The following KCNJ3 variants were observed in gnomAD, a reference collection of about 807,000 sequenced individuals.
KCNJ3 encodes the protein potassium inwardly rectifying channel subfamily J member 3.
A neutral mutation model predicts 39.2 loss-of-function variants in KCNJ3; 4 were observed. The observed-to-expected ratio is 0.10, with a 90% CI of 0.05 to 0.23. The LOEUF (loss-of-function observed/expected upper bound fraction) is 0.23. Ranked by LOEUF, KCNJ3 falls within the 10% of genes least tolerant of loss-of-function variation. The pLI, the probability that KCNJ3 is intolerant of heterozygous loss-of-function variation, is 1.00. For missense variants in KCNJ3, 276 were observed against 634.9 expected (o/e 0.43, Z 6.08); for synonymous variants, 230 against 237.4 (o/e 0.97, Z 0.29).
intron 2 of KCNJ3, among the ~76,000 whole-genome samples, chr2:154,766,166 G>A (rs904523622): frequency 1.3e-5 from 2 of 152,270 alleles, no homozygotes; most frequent in Non-Finnish European, 2.9e-5. Flanking sequence ...GCAAAAGGAC[G>A]TAATGAGCAA....
chr2:154,795,865 T>C (rs1686711498), intron 2 of KCNJ3, among the ~76,000 whole-genome samples: 1 of 152,122 alleles, frequency 6.6e-6, no homozygotes, highest in Non-Finnish European at 1.5e-5. Context: ...TAATTGAATT[T>C]CTACTTGGGA....
intron 2 of KCNJ3, among the ~76,000 whole-genome samples, chr2:154,848,295 T>C (rs1170076638): frequency 6.6e-6 from 1 of 152,168 alleles, no homozygotes; most frequent in African/African-American, 2.4e-5. Context: ...TCAAGCTCTA[T>C]CATTCTCCTG....
chr2:154,727,608 AAAG>A (rs1346350795), intron 2 of KCNJ3, among the ~76,000 whole-genome samples: 1 of 151,186 alleles, frequency 6.6e-6, no homozygotes, highest in Non-Finnish European at 1.5e-5. Context: ...AAAAAAAAAA[AAAG>A]AGAGAAAAAG....
chr2:154,771,742 G>A (rs952603623), intron 2 of KCNJ3, among the ~76,000 whole-genome samples: 28 of 152,150 alleles, frequency 1.8e-4, no homozygotes, highest in Non-Finnish European at 3.4e-4. Flanking sequence ...TGTTCAAGAG[G>A]CAAATACACT....
At position 154,699,641 on chromosome 2, in the gene KCNJ3, G is replaced by A; in HGVS notation, c.702+164G>A. The stretch of plus-strand genomic sequence containing the variant: ...GGTTGGAGGACTGGGCAAAGAATGC[G>A]GTTGACAGTTCTGTTCCTTTTCCAC... On this transcript the variant is annotated intron_variant, in intron 1 of 2. Transcript: ENST00000295101. The surrounding 1 kb of genome is among the most constrained non-coding windows in gnomAD (Gnocchi z 6.4). 3.7e-6 allele frequency: 2 copies of A among 546,772 alleles called. No homozygotes were observed. The highest frequency in any genetic ancestry group is 4.7e-6 in the Non-Finnish European group (2 of 429,028). 33.9% of individuals were successfully genotyped at this position (546,772 alleles called of 1,614,324 possible).
intron 2 of KCNJ3, among the ~76,000 whole-genome samples, chr2:154,741,436 AT>A (rs57454604): frequency 0.61 from 91,738 of 150,204 alleles, 28,993 homozygotes; most frequent in African/African-American, 0.79. Flanking sequence ...ATTTTGATGA[AT>A]TTTTTTTTTT....
chr2:154,829,851 T>C (rs555998110), intron 2 of KCNJ3, among the ~76,000 whole-genome samples: 5 of 152,304 alleles, frequency 3.3e-5, no homozygotes, highest in African/African-American at 9.6e-5. Flanking sequence ...TGGTATCTTA[T>C]TGTGGTTTTG....
rs184677249 is a variant in KCNJ3, at chr2:154,782,930, A to G, written c.920-71797A>G. The stretch of plus-strand genomic sequence containing the variant: ...GGTGCCTCACACCTGTAGTCCCAGT[A>G]CTTTGGGAGGCCAAGGCAGGCAGAT... On this transcript the variant is annotated intron_variant, in intron 2 of 2. Coordinates refer to ENST00000295101, the MANE Select transcript of KCNJ3 (RefSeq NM_002239.4). 7.9e-4 allele frequency among the ~76,000 whole-genome samples: 121 copies of G among 152,264 alleles called. 1 individual carries two copies. The highest frequency in any genetic ancestry group is 2.8e-3 in the African/African-American group (117 of 41,554).
intron 2 of KCNJ3, among the ~76,000 whole-genome samples, chr2:154,776,925 T>G (rs1255687007): frequency 1.3e-5 from 2 of 152,066 alleles, no homozygotes; most frequent in East Asian, 1.9e-4. Context: ...TATGTTCTAG[T>G]GTTCTATTTT....
At chr2:154,767,106 G>T (rs1212348210) in intron 2 of KCNJ3, among the ~76,000 whole-genome samples, 1 of 151,936 alleles carries the variant, frequency 6.6e-6, no homozygotes, top group Non-Finnish European at 1.5e-5. Flanking sequence ...TGTACCACAG[G>T]TTTCAAAAAT....
chr2:154,753,555 G>C (rs1685885001), intron 2 of KCNJ3, among the ~76,000 whole-genome samples: 2 of 151,984 alleles, frequency 1.3e-5, no homozygotes, highest in Admixed American at 1.3e-4. Context: ...TGTGTTTTAT[G>C]TTACGATTTC....
chr2:154,751,891 G>C (rs970580560), intron 2 of KCNJ3, among the ~76,000 whole-genome samples: 2 of 151,894 alleles, frequency 1.3e-5, no homozygotes, highest in Admixed American at 6.6e-5. Flanking sequence ...AAAGACAACA[G>C]TCATATTGGA....
At chr2:154,817,463 T>C (rs1475937900) in intron 2 of KCNJ3, among the ~76,000 whole-genome samples, 1 of 152,120 alleles carries the variant, frequency 6.6e-6, no homozygotes, top group Admixed American at 6.6e-5. Flanking sequence ...GCACAATCAC[T>C]GCTGTTCACC....
At chr2:154,725,723 G>A (rs3106679) in intron 2 of KCNJ3, among the ~76,000 whole-genome samples, 6,359 of 152,122 alleles carry the variant, frequency 0.042, 288 homozygotes, top group East Asian at 0.11. Context: ...GGTTACAGTT[G>A]CCAAAACAGC....
chr2:154,843,608 C>G (rs1443798318), intron 2 of KCNJ3, among the ~76,000 whole-genome samples: 1 of 151,540 alleles, frequency 6.6e-6, no homozygotes, highest in Non-Finnish European at 1.5e-5. Flanking sequence ...TCACATAATC[C>G]CATATTTCTT....
intron 2 of KCNJ3, among the ~76,000 whole-genome samples, chr2:154,785,927 A>G (rs952086229): frequency 1.8e-4 from 27 of 152,204 alleles, no homozygotes; most frequent in Non-Finnish European, 5.9e-5. Context: ...CAACATATGA[A>G]TTTGGAGAGA....
chr2:154,766,910 G>A (rs989291903), intron 2 of KCNJ3, among the ~76,000 whole-genome samples: 1 of 151,982 alleles, frequency 6.6e-6, no homozygotes, highest in South Asian at 2.1e-4. Context: ...AAACTGTAAT[G>A]CTGAGTAGAT....
chr2:154,820,605 A>G (rs971054429), intron 2 of KCNJ3, among the ~76,000 whole-genome samples: 2 of 152,118 alleles, frequency 1.3e-5, no homozygotes, highest in Admixed American at 6.6e-5. Context: ...GTTCTCTGAA[A>G]AGGGATTTGG....
At position 154,699,603 on chromosome 2, in the gene KCNJ3, T is replaced by C; in HGVS notation, c.702+126T>C. 7.2e-7 allele frequency: 1 copy of C among 1,388,962 alleles called. No homozygotes were observed. Among genetic ancestry groups the C allele is most frequent in the Non-Finnish European group, 9.5e-7 (1 of 1,053,520 alleles). 86.0% of individuals were successfully genotyped at this position (1,388,962 alleles called of 1,614,324 possible). Reference sequence around the variant, plus strand: ...CCTATAGCCACAGGTAAACTTCCTTTTGGGGGGTTGGGGGTTGGAGGACTG... The same window carrying C: ...CCTATAGCCACAGGTAAACTTCCTTCTGGGGGGTTGGGGGTTGGAGGACTG... On this transcript the variant is annotated intron_variant, in intron 1 of 2. Coordinates refer to ENST00000295101, the MANE Select transcript of KCNJ3 (RefSeq NM_002239.4). This position sits in a 1 kb window ranked among gnomAD's most constrained non-coding sequence, Gnocchi z 6.4.
Sources: allele counts gnomAD v4.1 joint callset (sites outside exome capture counted in the v4.1 genomes callset), GRCh38; gene constraint gnomAD v4.1.1; non-coding constraint Gnocchi (gnomAD v3.1); transcripts MANE v1.5; gene names NCBI Gene and HGNC (gene_info 2026-07-23, HGNC 2026-07-21).